SPOCK3: variants seen among roughly 807,000 people sequenced by gnomAD.
SPOCK3 encodes the protein SPARC (osteonectin), cwcv and kazal like domains proteoglycan 3, also known as testican-3.
In SPOCK3, 30 loss-of-function variants were observed where a neutral mutation model predicts 56.6. The observed-to-expected ratio is 0.53, with a 90% CI of 0.40 to 0.72. The LOEUF is 0.72. Ranked by LOEUF, SPOCK3 falls within the 30% of genes least tolerant of loss-of-function variation. SPOCK3 has a pLI of 0.00. For missense variants in SPOCK3, 527 were observed against 530.0 expected, an observed-to-expected ratio of 0.99 and a Z score of 0.06; for synonymous variants, 196 against 183.3, an observed-to-expected ratio of 1.07 and a Z score of -0.56.
intron 6 of SPOCK3, among the ~76,000 whole-genome samples, chr4:166,807,562 T>C (rs947237417): frequency 6.6e-6 from 1 of 152,138 alleles, no homozygotes; most frequent in Admixed American, 6.6e-5. Context: ...TTTTATTCAA[T>C]GATGTGAAGT....
chr4:166,769,031 G>C (rs936602628), intron 7 of SPOCK3, among the ~76,000 whole-genome samples: 1 of 152,158 alleles, frequency 6.6e-6, no homozygotes, highest in Non-Finnish European at 1.5e-5. Context: ...ATGGTTTTCA[G>C]CTCTATCAGG....
chr4:167,199,231 GT>G (rs1733269532), intron 2 of SPOCK3, among the ~76,000 whole-genome samples: 1 of 135,154 alleles, frequency 7.4e-6, no homozygotes, highest in South Asian at 2.2e-4. Context: ...TTGTTTGTGT[GT>G]GTGTGTGTGT....
intron 2 of SPOCK3, among the ~76,000 whole-genome samples, chr4:167,125,167 G>T (rs1195970682): frequency 1.3e-5 from 2 of 150,222 alleles, no homozygotes; most frequent in Non-Finnish European, 3.0e-5. Flanking sequence ...CCATTAGAAG[G>T]TTCTTTGTAT....
intron 2 of SPOCK3, among the ~76,000 whole-genome samples, chr4:167,200,840 G>A (rs1733444147): frequency 6.6e-6 from 1 of 151,962 alleles, no homozygotes; most frequent in African/African-American, 2.4e-5. Context: ...GGAAATTTTG[G>A]TTGGCAAAGA....
At chr4:167,106,805 G>A (rs750462239) in intron 2 of SPOCK3, among the ~76,000 whole-genome samples, 20 of 149,052 alleles carry the variant, frequency 1.3e-4, no homozygotes, top group Non-Finnish European at 2.7e-4. Context: ...TAAAATCAGA[G>A]ATGAACAGGG....
At position 167,221,452 on chromosome 4, in the gene SPOCK3, A is replaced by C. The variant is rs531241061; in HGVS notation, c.189+12533T>G. On this transcript the variant is annotated intron_variant, in intron 2 of 10. Coordinates refer to ENST00000357545, the MANE Select transcript of SPOCK3 (RefSeq NM_001040159.2). ...AACTGTTTTAAAGTGGTCAACTGTT[A>C]ATTTTAAAAAAACATGGTCTTTAGA... 5.9e-5 allele frequency among the ~76,000 whole-genome samples: 9 copies of C among 152,268 alleles called. 1 individual carries two copies. In the South Asian group the frequency reaches 1.9e-3, roughly 32 times the overall value.
intron 2 of SPOCK3, among the ~76,000 whole-genome samples, chr4:167,073,431 A>G (rs1375110890): frequency 2.0e-5 from 3 of 151,876 alleles, no homozygotes; most frequent in African/African-American, 7.2e-5. Context: ...AGAAAGTACT[A>G]TCCTGAAAAA....
At chr4:167,101,197 C>T (rs934927082) in intron 2 of SPOCK3, among the ~76,000 whole-genome samples, 5 of 152,150 alleles carry the variant, frequency 3.3e-5, no homozygotes, top group African/African-American at 1.2e-4. Flanking sequence ...CATCTGACTT[C>T]TCAAGAACTG....
At chr4:166,794,643 CTT>C (rs1170214198) in intron 6 of SPOCK3, among the ~76,000 whole-genome samples, 6 of 127,324 alleles carry the variant, frequency 4.7e-5, no homozygotes, top group Non-Finnish European at 1.0e-4. Flanking sequence ...TTCTTTCTTT[CTT>C]TTTTTTTTTT....
rs541495024 is a variant in SPOCK3 at position 167,209,574 on chromosome 4, T to A, written c.189+24411A>T. 1.6e-4 allele frequency among the ~76,000 whole-genome samples: 24 copies of A among 152,238 alleles called. No individual in the cohort carries two copies. The South Asian group carries it at 5.0e-3, about 32-fold the overall frequency. ...ATCCCCACTTTCCTTAAAGAGCTCC[T>A]GTTGCCCTATCTAGAATACACATTT... is the stretch of plus-strand genomic sequence containing the variant. On this transcript the variant is annotated intron_variant, in intron 2 of 10. Transcript: ENST00000357545.
intron 2 of SPOCK3, among the ~76,000 whole-genome samples, chr4:167,111,287 C>T (rs558409285): frequency 4.6e-5 from 7 of 152,028 alleles, no homozygotes; most frequent in East Asian, 1.9e-4. Context: ...ACAAAGCCCG[C>T]GGACTCAAGA....
intron 6 of SPOCK3, among the ~76,000 whole-genome samples, chr4:166,848,200 C>G (rs778499568): frequency 2.0e-5 from 3 of 152,158 alleles, no homozygotes; most frequent in Non-Finnish European, 2.9e-5. Context: ...TTGCAAGTTA[C>G]TTACAAACTG....
At chr4:166,862,064 T>C (rs530424678) in intron 6 of SPOCK3, among the ~76,000 whole-genome samples, 2 of 152,254 alleles carry the variant, frequency 1.3e-5, no homozygotes, top group South Asian at 4.1e-4. Context: ...AAGTTTTTCC[T>C]TGGCACTTTT....
intron 7 of SPOCK3, among the ~76,000 whole-genome samples, chr4:166,784,513 C>T (rs1345142477): frequency 6.6e-6 from 1 of 151,850 alleles, no homozygotes; most frequent in Non-Finnish European, 1.5e-5. Context: ...ATAATTAGAA[C>T]CAAAATAAGC....
chr4:166,900,674 T>C (rs148913725), intron 5 of SPOCK3, among the ~76,000 whole-genome samples: 12 of 152,290 alleles, frequency 7.9e-5, no homozygotes, highest in African/African-American at 2.6e-4. Flanking sequence ...AATCCACTGA[T>C]AGTAGTATAT....
chr4:167,061,553 C>T (rs1228857799), intron 3 of SPOCK3, among the ~76,000 whole-genome samples: 2 of 151,918 alleles, frequency 1.3e-5, no homozygotes, highest in African/African-American at 4.8e-5. Context: ...TGGTTTCTCA[C>T]TCATACAGCT....
intron 2 of SPOCK3, among the ~76,000 whole-genome samples, chr4:167,073,745 T>A (rs1209124309): frequency 7.9e-5 from 12 of 151,918 alleles, no homozygotes; most frequent in Non-Finnish European, 1.8e-4. Flanking sequence ...GGTTTCTACA[T>A]GTATAAATTG....
intron 3 of SPOCK3, among the ~76,000 whole-genome samples, chr4:167,022,903 A>AT (rs778472926): frequency 8.6e-5 from 13 of 151,940 alleles, no homozygotes; most frequent in Non-Finnish European, 1.8e-4. Context: ...GAGGAAGCAG[A>AT]TTTTTTTGTT....
At position 167,127,468 on chromosome 4, in the gene SPOCK3, C is replaced by T. The variant is rs143071511; in HGVS notation, c.190-64931G>A. On this transcript the variant is annotated intron_variant, in intron 2 of 10. Transcript: ENST00000357545. ...TTGGAGATGGAGTCTCACTCTGTCGCCCAGGCTGAAGTGCAATGGCATGAT... is the reference window on the plus strand; with the variant it reads ...TTGGAGATGGAGTCTCACTCTGTCGTCCAGGCTGAAGTGCAATGGCATGAT... Among the ~76,000 whole-genome samples the T allele has an allele frequency of 5.6e-3, 844 of 151,608 alleles. 12 individuals are homozygous for T. The highest frequency in any genetic ancestry group is 0.019 in the African/African-American group (801 of 41,258).
Sources: allele counts gnomAD v4.1 joint callset (sites outside exome capture counted in the v4.1 genomes callset), GRCh38; gene constraint gnomAD v4.1.1; transcripts MANE v1.5; gene names NCBI Gene and HGNC (gene_info 2026-07-23, HGNC 2026-07-21).